DACH2: variants seen among roughly 807,000 people sequenced by gnomAD.
DACH2 encodes dachshund family transcription factor 2, also known as dachshund homolog 2.
DACH2 carries 17 observed loss-of-function variants against 35.8 expected under a neutral mutation model. That is an observed-to-expected ratio of 0.48 (90% CI 0.33 to 0.71). DACH2 has a LOEUF of 0.71. DACH2 is among the 30% of genes least tolerant of loss of function. The probability of loss-of-function intolerance (pLI) is 0.02; values close to 1 mark genes in which losing one functional copy is unlikely to be tolerated. For synonymous variants in DACH2, 195 were observed against 177.3 expected (o/e 1.10, Z -0.79); for missense variants, 469 against 472.7 (o/e 0.99, Z 0.07).
intron 3 of DACH2, among the ~76,000 whole-genome samples, chrX:86,544,871 T>C (rs1036491652): frequency 8.9e-6 from 1 of 112,421 alleles, no homozygotes; most frequent in Non-Finnish European, 1.9e-5. Context: ...AAGCAAGACC[T>C]AATGATTTGA....
Position 86,256,451 on chromosome X carries a change from T to C in DACH2, c.488+107343T>C, listed in dbSNP as rs377420923. ...GCAGTTCTCAAACTACAGTCTTGGG[T>C]ACTCCCAGAGGCCTCTAAGATGCTT... is the stretch of plus-strand genomic sequence containing the variant. On this transcript the variant is annotated intron_variant, in intron 1 of 11. Coordinates refer to ENST00000373125, the MANE Select transcript of DACH2 (RefSeq NM_053281.3). Among the ~76,000 whole-genome samples, 6 of 111,468 alleles carry C rather than the reference T, an allele frequency of 5.4e-5. No individual in the cohort carries two copies. In the South Asian group the frequency reaches 2.3e-3, roughly 42 times the overall value.
chrX:86,261,279 G>C (rs1234159974), intron 1 of DACH2, among the ~76,000 whole-genome samples: 1 of 112,035 alleles, frequency 8.9e-6, no homozygotes, highest in Admixed American at 9.5e-5. Context: ...TTGCAGTGAA[G>C]GTAGTATGCA....
At chrX:86,806,717 G>A (rs796385175) in intron 7 of DACH2, among the ~76,000 whole-genome samples, 3 of 112,177 alleles carry the variant, frequency 2.7e-5, no homozygotes, top group East Asian at 2.8e-4. Context: ...GTGGCTTAAT[G>A]TCTGAGCTCA....
chrX:86,730,815 A>G (rs2041524639), intron 6 of DACH2, among the ~76,000 whole-genome samples: 1 of 111,928 alleles, frequency 8.9e-6, no homozygotes, highest in Admixed American at 9.5e-5. Flanking sequence ...ACTACATATA[A>G]TTATTTACAT....
intron 7 of DACH2, chrX:86,799,135 G>C (rs12841196): frequency 0.33 from 106,244 of 322,007 alleles, 14,290 homozygotes; most frequent in Middle Eastern, 0.45. Flanking sequence ...GGGTGCAGCA[G>C]TTCCTCCAAG....
At chrX:86,458,384 G>A (rs965902995) in intron 2 of DACH2, among the ~76,000 whole-genome samples, 1 of 111,752 alleles carries the variant, frequency 8.9e-6, no homozygotes, top group Admixed American at 9.5e-5. Context: ...AATTAAAGCT[G>A]CTTCCCCAGT....
At chrX:86,394,671 A>T (rs2036254734) in intron 2 of DACH2, among the ~76,000 whole-genome samples, 1 of 111,976 alleles carries the variant, frequency 8.9e-6, no homozygotes, top group South Asian at 3.7e-4. Flanking sequence ...CAATCTTATG[A>T]AAATGGTAAA....
At chrX:86,592,996 C>A (rs2039666763) in intron 3 of DACH2, among the ~76,000 whole-genome samples, 1 of 111,377 alleles carries the variant, frequency 9.0e-6, no homozygotes, top group African/African-American at 3.3e-5. Flanking sequence ...ATATGTATAT[C>A]CTGTATTTTC....
intron 2 of DACH2, among the ~76,000 whole-genome samples, chrX:86,503,034 A>G (rs965755752): frequency 1.4e-4 from 16 of 112,284 alleles, no homozygotes; most frequent in African/African-American, 5.2e-4. Flanking sequence ...TACTAATATA[A>G]GAGCAATGGT....
chrX:86,475,643 A>G (rs2037831281), intron 2 of DACH2, among the ~76,000 whole-genome samples: 1 of 111,582 alleles, frequency 9.0e-6, no homozygotes, highest in South Asian at 3.7e-4. Flanking sequence ...TGACAATTTG[A>G]CTTCTTCCTT....
chrX:86,502,053 T>TC (rs1194125377), intron 2 of DACH2, among the ~76,000 whole-genome samples: 21 of 109,006 alleles, frequency 1.9e-4, no homozygotes, highest in East Asian at 1.5e-3. Context: ...CTTCCTTCCT[T>TC]CTTTCTTTCC....
intron 7 of DACH2, among the ~76,000 whole-genome samples, chrX:86,788,026 A>C (rs1013708503): frequency 5.4e-5 from 6 of 111,228 alleles, no homozygotes; most frequent in Non-Finnish European, 1.1e-4. Flanking sequence ...GCATGCTTCC[A>C]GGGTCTGTGT....
intron 7 of DACH2, among the ~76,000 whole-genome samples, chrX:86,806,676 C>T (rs763600376): frequency 1.2e-4 from 13 of 111,972 alleles, no homozygotes; most frequent in Non-Finnish European, 2.1e-4. Flanking sequence ...TGTGATCTGT[C>T]ACATTATGTC....
At chrX:86,383,798 A>T (rs962355967) in intron 2 of DACH2, among the ~76,000 whole-genome samples, 7 of 108,394 alleles carry the variant, frequency 6.5e-5, no homozygotes, top group African/African-American at 1.0e-4. Flanking sequence ...AAGTGGAGTG[A>T]CATTATAGTC....
At chrX:86,186,046 A>C (rs767061463) in intron 1 of DACH2, among the ~76,000 whole-genome samples, 16 of 112,668 alleles carry the variant, frequency 1.4e-4, no homozygotes, top group Non-Finnish European at 3.0e-4. Flanking sequence ...ACTGAACCTC[A>C]GGGAAATTAG....
At chrX:86,289,777 TC>T (rs1258458448) in intron 1 of DACH2, among the ~76,000 whole-genome samples, 1 of 109,626 alleles carries the variant, frequency 9.1e-6, no homozygotes, top group Non-Finnish European at 1.9e-5. Flanking sequence ...CTGCATAGTA[TC>T]CCATGGTGTA....
intron 2 of DACH2, among the ~76,000 whole-genome samples, chrX:86,418,089 A>G (rs1274376362): frequency 8.9e-6 from 1 of 112,273 alleles, no homozygotes; most frequent in African/African-American, 3.2e-5. Flanking sequence ...TCCAGGTCAC[A>G]CTGATGCAAA....
chrX:86,467,586 T>C (rs974218545), intron 2 of DACH2, among the ~76,000 whole-genome samples: 1 of 111,628 alleles, frequency 9.0e-6, no homozygotes, highest in African/African-American at 3.3e-5. Context: ...TGTTACCTGA[T>C]TCCAATGTTG....
intron 3 of DACH2, among the ~76,000 whole-genome samples, chrX:86,637,010 C>CAA (rs376375907): frequency 6.8e-5 from 2 of 29,480 alleles, no homozygotes; most frequent in Non-Finnish European, 1.3e-4. Context: ...AACAAATTTA[C>CAA]AAAAAAAAAA....
Sources: allele counts gnomAD v4.1 joint callset (sites outside exome capture counted in the v4.1 genomes callset), GRCh38; gene constraint gnomAD v4.1.1; transcripts MANE v1.5; gene names NCBI Gene and HGNC (gene_info 2026-07-23, HGNC 2026-07-21).